The following BCKDHB variants were observed in gnomAD, a reference collection of about 807,000 sequenced individuals.
BCKDHB encodes branched chain keto acid dehydrogenase E1 subunit beta.
Under a neutral mutation model 48.5 loss-of-function variants are expected in BCKDHB, and 41 were observed. The observed-to-expected ratio is 0.85, with a 90% CI of 0.66 to 1.10. BCKDHB has a LOEUF of 1.10. Ranked by LOEUF, BCKDHB falls within the 50% of genes least tolerant of loss-of-function variation. The probability of loss-of-function intolerance (pLI) is 0.00; values close to 1 mark genes in which losing one functional copy is unlikely to be tolerated. For missense variants in BCKDHB, 496 were observed against 494.2 expected (o/e 1.00, Z -0.03); for synonymous variants, 201 against 174.8 (o/e 1.15, Z -1.18).
At chr6:80,351,979 G>A in the BCKDHB span, among the ~76,000 whole-genome samples, 3 of 151,674 alleles carry the variant, frequency 2.0e-5, no homozygotes, top group African/African-American at 4.8e-5. Context: ...GTGCCACCAC[G>A]CCCGACTAAT....
At chr6:80,357,642 A>G in the BCKDHB span, among the ~76,000 whole-genome samples, 2 of 152,212 alleles carry the variant, frequency 1.3e-5, no homozygotes, top group African/African-American at 4.8e-5. Flanking sequence ...AAGCTGCTGA[A>G]AAGTGCAGAT....
At chr6:80,190,180 G>A (rs948611363) in intron 6 of BCKDHB, among the ~76,000 whole-genome samples, 28 of 152,126 alleles carry the variant, frequency 1.8e-4, no homozygotes, top group African/African-American at 6.5e-4. Flanking sequence ...GAAAATGGTA[G>A]GGAATGGCTG....
chr6:80,351,645 CT>C, the BCKDHB span, among the ~76,000 whole-genome samples: 32 of 122,054 alleles, frequency 2.6e-4, no homozygotes, highest in Admixed American at 2.9e-4. Context: ...TTTTTTTTTT[CT>C]TTTTTTTTTT....
chr6:80,377,018 C>T, the BCKDHB span, among the ~76,000 whole-genome samples: 1 of 148,606 alleles, frequency 6.7e-6, no homozygotes, highest in African/African-American at 2.5e-5. Context: ...TAATAGTGTC[C>T]TTTGAATTAT....
At chr6:80,238,295 T>G (rs1427435326) in intron 8 of BCKDHB, among the ~76,000 whole-genome samples, 1 of 152,126 alleles carries the variant, frequency 6.6e-6, no homozygotes, top group Non-Finnish European at 1.5e-5. Flanking sequence ...GACTGGGTTT[T>G]GCCATGTTGG....
rs1364030269 is a variant in BCKDHB at position 80,236,923 on chromosome 6, A to T, written c.951+33711A>T. 4.6e-5 allele frequency among the ~76,000 whole-genome samples: 7 copies of T among 152,324 alleles called. No homozygotes were observed. The South Asian group carries it at 1.2e-3, about 27-fold the overall frequency. ...CTTTCAACGTCAAGTAAAATAATTTAAAAAAATTTTCATGTAGATATACTT... is the reference window on the plus strand; with the variant it reads ...CTTTCAACGTCAAGTAAAATAATTTTAAAAAATTTTCATGTAGATATACTT... On this transcript the variant is annotated intron_variant, in intron 8 of 9. Coordinates refer to ENST00000320393, the MANE Select transcript of BCKDHB (RefSeq NM_183050.4).
At chr6:80,231,932 T>A (rs1775943191) in intron 8 of BCKDHB, among the ~76,000 whole-genome samples, 1 of 152,204 alleles carries the variant, frequency 6.6e-6, no homozygotes, top group Admixed American at 6.5e-5. Context: ...GCCACTGCAC[T>A]CCAGCCAGGG....
chr6:80,318,724 A>C (rs1235608322), intron 9 of BCKDHB, among the ~76,000 whole-genome samples: 1 of 151,642 alleles, frequency 6.6e-6, no homozygotes, highest in African/African-American at 2.4e-5. Flanking sequence ...TTAGAAAAAA[A>C]AATTGTACTG....
At chr6:80,417,597 T>A in the BCKDHB span, among the ~76,000 whole-genome samples, 4,313 of 152,254 alleles carry the variant, frequency 0.028, 160 homozygotes, top group African/African-American at 0.085. Context: ...TCACTTATGA[T>A]GTTTAGTTCG....
the BCKDHB span, among the ~76,000 whole-genome samples, chr6:80,461,055 C>G: frequency 6.6e-6 from 1 of 152,032 alleles, no homozygotes. Context: ...CTCTTGGTGA[C>G]GTAATCTATT....
At chr6:80,390,380 G>T in the BCKDHB span, among the ~76,000 whole-genome samples, 1 of 152,086 alleles carries the variant, frequency 6.6e-6, no homozygotes, top group Admixed American at 6.6e-5. Context: ...ATACAGAATG[G>T]GTAGTAGAAA....
intron 6 of BCKDHB, among the ~76,000 whole-genome samples, chr6:80,189,099 C>G (rs1773779465): frequency 6.6e-6 from 1 of 152,118 alleles, no homozygotes; most frequent in African/African-American, 2.4e-5. Context: ...TGTGCAAAGT[C>G]AAATATCTGG....
At chr6:80,157,396 A>T (rs1275112679) in intron 3 of BCKDHB, among the ~76,000 whole-genome samples, 1 of 150,462 alleles carries the variant, frequency 6.6e-6, no homozygotes, top group Non-Finnish European at 1.5e-5. Context: ...CATTGAACAA[A>T]TGTTTTTAAA....
At chr6:80,198,160 G>A (rs1171978832) in intron 6 of BCKDHB, among the ~76,000 whole-genome samples, 1 of 152,174 alleles carries the variant, frequency 6.6e-6, no homozygotes, top group South Asian at 2.1e-4. Flanking sequence ...CAGTTCTGCT[G>A]TTGTAGGGTA....
chr6:80,230,329 C>A (rs1044527097), intron 8 of BCKDHB, among the ~76,000 whole-genome samples: 1 of 151,908 alleles, frequency 6.6e-6, no homozygotes, highest in Non-Finnish European at 1.5e-5. Context: ...TGAGCCACCG[C>A]GCCTGGCCAG....
intron 8 of BCKDHB, among the ~76,000 whole-genome samples, chr6:80,235,714 C>G (rs1776121034): frequency 6.6e-6 from 1 of 152,184 alleles, no homozygotes; most frequent in South Asian, 2.1e-4. Context: ...TACCAATTCT[C>G]CTTGCAGTTG....
At chr6:80,434,732 C>T in the BCKDHB span, among the ~76,000 whole-genome samples, 2 of 152,148 alleles carry the variant, frequency 1.3e-5, no homozygotes, top group African/African-American at 2.4e-5. Flanking sequence ...GCAGTACCTT[C>T]GGGAACTCTA....
intron 9 of BCKDHB, 147 bp from the exon 10 acceptor site, chr6:80,343,517 C>A: frequency 2.2e-6 from 2 of 889,628 alleles, no homozygotes; most frequent in Non-Finnish European, 3.5e-6. Context: ...CTGTTACCTG[C>A]TTTTTTCATA....
intron 8 of BCKDHB, among the ~76,000 whole-genome samples, chr6:80,236,699 C>T (rs1776161225): frequency 1.3e-5 from 2 of 152,270 alleles, no homozygotes; most frequent in East Asian, 3.9e-4. Flanking sequence ...GGATTTGAAC[C>T]CAGGCAGTCC....
Sources: allele counts gnomAD v4.1 joint callset (sites outside exome capture counted in the v4.1 genomes callset), GRCh38; gene constraint gnomAD v4.1.1; transcripts MANE v1.5; gene names NCBI Gene and HGNC (gene_info 2026-07-23, HGNC 2026-07-21).